The following TTF1 variants were observed in gnomAD, a reference collection of about 807,000 sequenced individuals.
The protein encoded by TTF1 is transcription termination factor 1, also known as transcription termination factor, RNA polymerase I.
A neutral mutation model predicts 80.2 loss-of-function variants in TTF1; 64 were observed. The observed-to-expected ratio is 0.80, with a 90% CI of 0.65 to 0.98. The LOEUF (loss-of-function observed/expected upper bound fraction) is 0.98. TTF1 is among the 50% of genes least tolerant of loss of function. The pLI, the probability that TTF1 is intolerant of heterozygous loss-of-function variation, is 0.00. For missense variants in TTF1, 1,023 were observed against 1,086.2 expected, an observed-to-expected ratio of 0.94 and a Z score of 0.82; for synonymous variants, 372 against 382.7, an observed-to-expected ratio of 0.97 and a Z score of 0.33.
intron 5 of TTF1, among the ~76,000 whole-genome samples, chr9:132,393,269 G>GCCC (rs11448230): frequency 3.0e-4 from 45 of 148,236 alleles, no homozygotes; most frequent in African/African-American, 6.9e-4. Context: ...TTGGGAGCAA[G>GCCC]CCCCCCCCGC....
At position 132,393,509 on chromosome 9, in the gene TTF1, C is replaced by T. The variant is rs147119425; in HGVS notation, c.1857-1303G>A. ...ACTAGCCCAACCTATTCCTTTAATT[C>T]GGCCCATCCCTTCGTTTCCCATAAG... On this transcript the variant is annotated intron_variant, in intron 5 of 10. Transcript: ENST00000334270. 3.9e-4 allele frequency among the ~76,000 whole-genome samples: 59 copies of T among 152,370 alleles called. 2 individuals carry two copies. In the East Asian group the frequency reaches 0.01, roughly 26 times the overall value.
In TTF1 at chr9:132,379,164, A is replaced by C; in HGVS notation, c.2379-20T>G. ...ACATCACTTTAGAAAAGGAAAGAAA[A>C]GATAAAAAGCAAGTTAGTTTAAAAA... On this transcript the variant is annotated intron_variant, in intron 9 of 10. Coordinates refer to ENST00000334270, the MANE Select transcript of TTF1 (RefSeq NM_007344.4). 1.3e-6 allele frequency: 2 copies of C among 1,567,230 alleles called. No homozygotes were observed. Among genetic ancestry groups the C allele is most frequent in the East Asian group, 2.2e-5 (1 of 44,628 alleles).
intron 10 of TTF1, among the ~76,000 whole-genome samples, chr9:132,378,332 GAATT>G: frequency 7.2e-6 from 1 of 139,392 alleles, no homozygotes; most frequent in Non-Finnish European, 1.5e-5. Context: ...GTGTGTGTGT[GAATT>G]CATGTGGTGT....
rs142291275 is a variant in TTF1, at chr9:132,377,878, GGT to G, written c.2464+1179_2464+1180del. Among the ~76,000 whole-genome samples, 30 of 132,974 alleles carry G rather than the reference GGT, an allele frequency of 2.3e-4. 1 individual carries two copies. The East Asian group carries it at 2.5e-3, about 11-fold the overall frequency. 87.2% of individuals were successfully genotyped at this position (132,974 alleles called of 152,430 possible). A position where few individuals can be genotyped will look rare whatever the true frequency, so the allele number is the denominator to read the frequency against. On this transcript the variant is annotated intron_variant, in intron 10 of 10. Transcript: ENST00000334270. ...GCATGTGGTGTGAGTGCATGCATGT[GGT>G]GTGTGTGAGTGCATGTGGTGTGAGT...
intron 3 of TTF1, among the ~76,000 whole-genome samples, chr9:132,399,760 C>A (rs958942405): frequency 6.6e-6 from 1 of 152,160 alleles, no homozygotes; most frequent in Non-Finnish European, 1.5e-5. Context: ...CAATTAACCT[C>A]TCGTCCCTTC....
chr9:132,404,840 T>C (rs1362599404), intron 1 of TTF1, among the ~76,000 whole-genome samples: 1 of 152,206 alleles, frequency 6.6e-6, no homozygotes, highest in African/African-American at 2.4e-5. Flanking sequence ...GCCCATCTTT[T>C]AGGACCTCTT....
At position 132,401,977 on chromosome 9, in the gene TTF1, T is replaced by C; in HGVS notation, c.845A>G (p.Lys282Arg). ...TGCCTCAAATTCCTGGTGATTGGAC[T>C]TTTTCTTCTTTTTTTTCTTAGACTT... ...KKKSKKKKKK[K>R]SNHQEFEALA... The change falls in exon 2 of 11, where the codon AAG becomes AGG. Residue 282 changes from lysine to arginine, a missense_variant. By Grantham distance (26) the Lys-to-Arg change is conservative (BLOSUM62 2). Transcript: ENST00000334270. 1 of 1,613,944 alleles carries C rather than the reference T, an allele frequency of 6.2e-7. No individual in the cohort carries two copies. The highest frequency in any genetic ancestry group is 8.5e-7 in the Non-Finnish European group (1 of 1,179,978).
At chr9:132,392,843 C>CA (rs1174186457) in intron 5 of TTF1, among the ~76,000 whole-genome samples, 1 of 152,108 alleles carries the variant, frequency 6.6e-6, no homozygotes, top group Non-Finnish European at 1.5e-5. Context: ...AAAACAAAAA[C>CA]AAAAAATAAT....
chr9:132,390,890 T>A, intron 6 of TTF1, 59 bp from the exon 7 acceptor site: 1 of 1,478,556 alleles, frequency 6.8e-7, no homozygotes, highest in Non-Finnish European at 9.2e-7. Context: ...AAACACAATA[T>A]TAAAAATGAA....
intron 6 of TTF1, among the ~76,000 whole-genome samples, chr9:132,391,554 T>A (rs150324849): frequency 1.1e-3 from 172 of 152,182 alleles, no homozygotes; most frequent in African/African-American, 3.9e-3. Flanking sequence ...TCTTGGAAAC[T>A]TGAAGAACTG....
intron 1 of TTF1, among the ~76,000 whole-genome samples, chr9:132,404,232 A>G (rs561287030): frequency 2.0e-5 from 3 of 152,262 alleles, no homozygotes; most frequent in African/African-American, 7.2e-5. Flanking sequence ...TAGATCCTGG[A>G]GCTCTCTCTA....
chr9:132,396,539 G>A (rs776001801), intron 4 of TTF1, 28 bp from the exon 5 acceptor site: 3 of 1,600,586 alleles, frequency 1.9e-6, no homozygotes, highest in Admixed American at 3.3e-5. Context: ...GTGATCAGAG[G>A]GACTCACATG....
Position 132,396,522 on chromosome 9 carries a change from A to G in TTF1, c.1778-11T>C, listed in dbSNP as rs199515633. 3 of 1,613,218 alleles carry G rather than the reference A, an allele frequency of 1.9e-6. No individual in the cohort carries two copies. Among genetic ancestry groups the G allele is most frequent in the Non-Finnish European group, 8.5e-7 (1 of 1,179,152 alleles). On this transcript the variant is annotated splice_polypyrimidine_tract_variant and intron_variant, in intron 4 of 10. Coordinates refer to ENST00000334270, the MANE Select transcript of TTF1 (RefSeq NM_007344.4). ...GGGCAATGTTCCTACCTAAAGTCAG[A>G]AGAAAGGTGATCAGAGGGACTCACA...
chr9:132,399,995 T>C (rs1376911811), intron 3 of TTF1, 40 bp downstream of exon 3: 4 of 1,604,422 alleles, frequency 2.5e-6, no homozygotes, highest in East Asian at 4.5e-5. Flanking sequence ...TAGCTCTGCA[T>C]ACAGGAAGTT....
At chr9:132,388,025 G>A (rs1849500055) in intron 8 of TTF1, 114 bp downstream of exon 8, 2 of 715,040 alleles carry the variant, frequency 2.8e-6, no homozygotes, top group Non-Finnish European at 4.7e-6. Flanking sequence ...TGCGGAAAGT[G>A]CTGGAACAGG....
At chr9:132,406,603 TAAA>T (rs35899253) in intron 1 of TTF1, among the ~76,000 whole-genome samples, 184 bp downstream of exon 1, 20 of 125,402 alleles carry the variant, frequency 1.6e-4, no homozygotes, top group Non-Finnish European at 2.0e-4. Flanking sequence ...ACTCCATCTT[TAAA>T]AAAAAAAAAA....
Position 132,392,131 on chromosome 9 carries a change from C to G in TTF1, c.1932G>C (p.Glu644Asp). The change falls in exon 6 of 11, where the codon GAG becomes GAC. Residue 644 changes from glutamate to aspartate, a missense_variant. Transcript: ENST00000334270. Reference sequence around the variant, plus strand: ...CGGAGAGGCTACTTCGGGCCACCATCTCACCAATCGTCTTCCAGTCATTCC... The same window carrying G: ...CGGAGAGGCTACTTCGGGCCACCATGTCACCAATCGTCTTCCAGTCATTCC... The part of the protein sequence containing the change: ...LLGNDWKTIG[E>D]MVARSSLSVA... The G allele has an allele frequency of 1.9e-6, 3 of 1,614,168 alleles. No homozygotes were observed. The highest frequency in any genetic ancestry group is 2.5e-6 in the Non-Finnish European group (3 of 1,180,034).
chr9:132,378,036 TGTGTGTGTGAATGCATGTG>T (rs1420285700), intron 10 of TTF1, among the ~76,000 whole-genome samples: 2 of 93,652 alleles, frequency 2.1e-5, no homozygotes, highest in African/African-American at 4.2e-5. Flanking sequence ...GTGCATGTGG[TGTGTGTGTGAATGCATGTG>T]GTGTGTGAGT....
chr9:132,400,321 A>T (rs928497350), intron 2 of TTF1, 63 bp from the exon 3 acceptor site: 38 of 1,431,036 alleles, frequency 2.7e-5, no homozygotes, highest in Non-Finnish European at 3.7e-5. Flanking sequence ...TAACTTTAAA[A>T]TTTTTCCTTC....
Sources: gnomAD v4.1 joint callset for allele counts (sites outside exome capture counted in the v4.1 genomes callset) on GRCh38, gnomAD v4.1.1 for gene constraint, MANE v1.5 for transcripts, NCBI Gene and HGNC (gene_info 2026-07-23, HGNC 2026-07-21) for gene names.